The following BRCC3 variants were observed in gnomAD, a reference collection of about 807,000 sequenced individuals.
BRCC3 encodes lys-63-specific deubiquitinase BRCC36.
In BRCC3, 15 loss-of-function variants were observed where a neutral mutation model predicts 28.0. The ratio of observed to expected loss-of-function variants is 0.54; its 90% CI spans 0.36 to 0.82. BRCC3 has a LOEUF of 0.82. Among genes scored for constraint, BRCC3 ranks in the 40% least tolerant of loss-of-function variants. The pLI, the probability that BRCC3 is intolerant of heterozygous loss-of-function variation, is 0.01. For missense variants in BRCC3, 109 were observed against 225.9 expected (o/e 0.48, Z 3.32); for synonymous variants, 66 against 80.3 (o/e 0.82, Z 0.95).
intron 7 of BRCC3, among the ~76,000 whole-genome samples, chrX:155,113,089 A>G (rs1232024667): frequency 9.5e-6 from 1 of 104,949 alleles, no homozygotes; most frequent in African/African-American, 3.5e-5. Flanking sequence ...ATTTAATGCA[A>G]TCACTGTAAA....
Position 155,116,208 on chromosome X carries a change from C to T in BRCC3, c.680+20C>T, listed in dbSNP as rs1557298724. ...CCACAGGTAGAGACCCTCTTCACTC[C>T]TCTTCTCTACTTCTCAGGACCTAGT... On this transcript the variant is annotated intron_variant, in intron 8 of 10. Transcript: ENST00000330045. The T allele has an allele frequency of 8.6e-7, 1 of 1,160,064 alleles. No homozygotes were observed. The highest frequency in any genetic ancestry group is 2.6e-5 in the Admixed American group (1 of 38,576).
At chrX:155,086,613 C>T (rs2124261698) in intron 5 of BRCC3, among the ~76,000 whole-genome samples, 1 of 111,161 alleles carries the variant, frequency 9.0e-6, no homozygotes, top group African/African-American at 3.3e-5. Flanking sequence ...CCCGCCTTGG[C>T]CTCCCAAAGC....
chrX:155,119,918 G>A, intron 9 of BRCC3, 81 bp from the exon 10 acceptor site: 1 of 854,646 alleles, frequency 1.2e-6, no homozygotes. Flanking sequence ...ATGGTTGGGG[G>A]TCTGTTGGTG....
intron 5 of BRCC3, among the ~76,000 whole-genome samples, chrX:155,082,254 A>G (rs2074090332): frequency 1.8e-5 from 2 of 112,444 alleles, no homozygotes; most frequent in South Asian, 7.3e-4. Context: ...AGCAACATAC[A>G]TGTACACAGG....
rs1382404511 is a variant in BRCC3 at position 155,083,496 on chromosome X, C to T, written c.403+4793C>T. On this transcript the variant is annotated intron_variant, in intron 5 of 10. Coordinates refer to ENST00000330045, the MANE Select transcript of BRCC3 (RefSeq NM_001018055.3). ...ATTTTATCTTTGCCTCCTACATTCT[C>T]AAGAACCTTACTCTGTTTTTTATGC... Among the ~76,000 whole-genome samples, 4 of 111,984 alleles carry T rather than the reference C, an allele frequency of 3.6e-5. No homozygotes were observed. The Admixed American group carries it at 3.8e-4, about 11-fold the overall frequency.
At chrX:155,111,821 T>C (rs1399311629) in intron 7 of BRCC3, among the ~76,000 whole-genome samples, 3 of 111,790 alleles carry the variant, frequency 2.7e-5, no homozygotes, top group Non-Finnish European at 5.7e-5. Context: ...GAAAATAACC[T>C]ACAGAATCAG....
intron 5 of BRCC3, among the ~76,000 whole-genome samples, chrX:155,084,984 T>A (rs2074112083): frequency 9.0e-6 from 1 of 111,716 alleles, no homozygotes; most frequent in African/African-American, 3.3e-5. Context: ...AATTTTTTTT[T>A]AAAAAGTAGG....
intron 7 of BRCC3, among the ~76,000 whole-genome samples, chrX:155,108,350 C>T (rs781817982): frequency 9.3e-4 from 104 of 111,923 alleles, no homozygotes; most frequent in Non-Finnish European, 1.7e-3. Flanking sequence ...TGGGTTGTTT[C>T]CAATTTGGGG....
chrX:155,084,889 G>A (rs2074110885), intron 5 of BRCC3, among the ~76,000 whole-genome samples: 1 of 111,530 alleles, frequency 9.0e-6, no homozygotes, highest in African/African-American at 3.3e-5. Context: ...AGGAACCCTT[G>A]AGCTCAGGAG....
intron 5 of BRCC3, among the ~76,000 whole-genome samples, chrX:155,083,001 A>G (rs1557294330): frequency 8.9e-6 from 1 of 112,221 alleles, no homozygotes; most frequent in Non-Finnish European, 1.9e-5. Flanking sequence ...GATTCAGGTT[A>G]TGCACTTTTG....
At chrX:155,110,638 C>T (rs2074315579) in intron 7 of BRCC3, among the ~76,000 whole-genome samples, 1 of 109,485 alleles carries the variant, frequency 9.1e-6, no homozygotes, top group Non-Finnish European at 1.9e-5. Context: ...CATAAATGTC[C>T]CTTTAAGCAC....
At chrX:155,075,552 G>A (rs782352031) in intron 3 of BRCC3, among the ~76,000 whole-genome samples, 1 of 111,488 alleles carries the variant, frequency 9.0e-6, no homozygotes, top group East Asian at 2.8e-4. Flanking sequence ...ACTTAGATCT[G>A]CCTCACACGT....
At chrX:155,119,912 T>G in intron 9 of BRCC3, 87 bp from the exon 10 acceptor site, 1 of 799,186 alleles carries the variant, frequency 1.3e-6, no homozygotes, top group Non-Finnish European at 1.8e-6. Flanking sequence ...GTGCTCATGG[T>G]TGGGGGTCTG....
intron 5 of BRCC3, chrX:155,079,025 G>T: frequency 5.6e-6 from 1 of 179,021 alleles, no homozygotes; most frequent in South Asian, 1.3e-4. Context: ...GATTTTTACA[G>T]TTGCTGTTTA....
At chrX:155,075,769 G>C (rs782134484) in intron 3 of BRCC3, among the ~76,000 whole-genome samples, 4 of 111,077 alleles carry the variant, frequency 3.6e-5, no homozygotes, top group Non-Finnish European at 7.6e-5. Flanking sequence ...TTTTTCCTTC[G>C]AGTTCATCCT....
At chrX:155,087,752 G>C (rs1399372334) in intron 5 of BRCC3, among the ~76,000 whole-genome samples, 1 of 111,742 alleles carries the variant, frequency 8.9e-6, no homozygotes, top group Non-Finnish European at 1.9e-5. Flanking sequence ...GTTTCAAGAA[G>C]GGAGTGATCA....
intron 2 of BRCC3, among the ~76,000 whole-genome samples, chrX:155,072,671 C>A (rs997824210): frequency 1.8e-5 from 2 of 111,297 alleles, no homozygotes; most frequent in South Asian, 7.6e-4. Context: ...AAGCGATTCT[C>A]ATACTTCAGA....
intron 10 of BRCC3, 138 bp downstream of exon 10, chrX:155,120,306 C>A: frequency 4.1e-6 from 2 of 482,687 alleles, no homozygotes; most frequent in Non-Finnish European, 3.5e-6. Context: ...AATTAGAGTT[C>A]ACTGAACCCT....
chrX:155,099,216 C>A, intron 7 of BRCC3: 14 of 694,173 alleles, frequency 2.0e-5, no homozygotes, highest in African/African-American at 2.4e-5. Flanking sequence ...TAAAAGAAGT[C>A]TGGAGATGGA....
Sources: gnomAD v4.1 joint callset for allele counts (sites outside exome capture counted in the v4.1 genomes callset) on GRCh38, gnomAD v4.1.1 for gene constraint, MANE v1.5 for transcripts, NCBI Gene and HGNC (gene_info 2026-07-23, HGNC 2026-07-21) for gene names.